UBTD2: variants seen among roughly 807,000 people sequenced by gnomAD.
UBTD2 encodes the protein ubiquitin domain-containing protein 2.
Under a neutral mutation model 19.8 loss-of-function variants are expected in UBTD2, and 9 were observed. The ratio of observed to expected loss-of-function variants is 0.46; its 90% CI spans 0.27 to 0.79. The LOEUF (loss-of-function observed/expected upper bound fraction) is 0.79. Ranked by LOEUF, UBTD2 falls within the 30% of genes least tolerant of loss-of-function variation. The pLI, the probability that UBTD2 is intolerant of heterozygous loss-of-function variation, is 0.14. For missense variants in UBTD2, 250 were observed against 300.4 expected (o/e 0.83, Z 1.24); for synonymous variants, 98 against 103.9 (o/e 0.94, Z 0.35).
intron 1 of UBTD2, among the ~76,000 whole-genome samples, chr5:172,281,053 T>C (rs576936265): frequency 6.6e-6 from 1 of 152,326 alleles, no homozygotes; most frequent in South Asian, 2.1e-4. Flanking sequence ...TGCACAACAC[T>C]GTGAATGTAA....
intron 2 of UBTD2, among the ~76,000 whole-genome samples, chr5:172,219,605 A>C (rs1771613294): frequency 2.6e-5 from 4 of 152,236 alleles, no homozygotes; most frequent in Non-Finnish European, 5.9e-5. Flanking sequence ...AGATATGCCA[A>C]AAGAAGCCAT....
intron 1 of UBTD2, among the ~76,000 whole-genome samples, chr5:172,248,520 G>A (rs1429783564): frequency 1.3e-5 from 2 of 151,748 alleles, no homozygotes; most frequent in South Asian, 2.1e-4. Context: ...CCCAGGAGGC[G>A]AAGGTTGCAG....
At chr5:172,230,497 GTATTATTATTACAT>G in intron 2 of UBTD2, among the ~76,000 whole-genome samples, 1 of 150,010 alleles carries the variant, frequency 6.7e-6, no homozygotes, top group Non-Finnish European at 1.5e-5. Context: ...CAACTTACAT[GTATTATTATTACAT>G]TTAATCAACA....
chr5:172,217,418 CAAAA>C (rs35018283), intron 2 of UBTD2, among the ~76,000 whole-genome samples: 65 of 114,858 alleles, frequency 5.7e-4, no homozygotes, highest in Admixed American at 1.0e-3. Context: ...GACTCTGTCT[CAAAA>C]AAAAAAAAAA....
At chr5:172,253,457 A>ATTTTTTTTTTTTTTT (rs11292185) in intron 1 of UBTD2, among the ~76,000 whole-genome samples, 1 of 145,882 alleles carries the variant, frequency 6.9e-6, no homozygotes. Flanking sequence ...AACCCTATCA[A>ATTTTTTTTTTTTTTT]TTTTTTTTTT....
intron 1 of UBTD2, among the ~76,000 whole-genome samples, chr5:172,259,378 T>C (rs1042330606): frequency 6.6e-6 from 1 of 151,902 alleles, no homozygotes; most frequent in Non-Finnish European, 1.5e-5. Flanking sequence ...CCTGACCTCA[T>C]GATCTGCCCG....
At chr5:172,268,445 A>G (rs1426416303) in intron 1 of UBTD2, among the ~76,000 whole-genome samples, 1 of 152,202 alleles carries the variant, frequency 6.6e-6, no homozygotes, top group African/African-American at 2.4e-5. Flanking sequence ...AAATGATACA[A>G]GGCCACATTC....
chr5:172,234,002 A>T, intron 2 of UBTD2, 120 bp downstream of exon 2: 2 of 1,001,476 alleles, frequency 2.0e-6, no homozygotes, highest in Non-Finnish European at 3.0e-6. Context: ...ATTCCTTGCT[A>T]CATTAAAAAA....
chr5:172,219,885 G>T (rs1235459842), intron 2 of UBTD2, among the ~76,000 whole-genome samples: 1 of 152,194 alleles, frequency 6.6e-6, no homozygotes, highest in East Asian at 1.9e-4. Context: ...CAGCATTTAG[G>T]TTCAGTACTA....
At chr5:172,243,564 T>G (rs1772175150) in intron 1 of UBTD2, among the ~76,000 whole-genome samples, 1 of 148,084 alleles carries the variant, frequency 6.8e-6, no homozygotes, top group South Asian at 2.2e-4. Context: ...CTTTTTTTTT[T>G]TTTTTTTTTT....
chr5:172,217,755 AT>A (rs1279123624), intron 2 of UBTD2, among the ~76,000 whole-genome samples: 1 of 152,172 alleles, frequency 6.6e-6, no homozygotes, highest in East Asian at 1.9e-4. Flanking sequence ...GCTTGCTGTG[AT>A]TACAGGTATG....
intron 1 of UBTD2, among the ~76,000 whole-genome samples, chr5:172,264,552 T>C (rs59082960): frequency 0.1 from 10,583 of 101,362 alleles, 428 homozygotes; most frequent in South Asian, 0.18. Flanking sequence ...AAAAAAAAAA[T>C]TAAAAAATTA....
chr5:172,223,982 G>A lies in UBTD2; in HGVS notation c.307+10140C>T, dbSNP rs115525120. Among the ~76,000 whole-genome samples the A allele has an allele frequency of 4.3e-3, 655 of 152,252 alleles. 8 individuals are homozygous for A. Among genetic ancestry groups the A allele is most frequent in the African/African-American group, 0.015 (608 of 41,556 alleles). On this transcript the variant is annotated intron_variant, in intron 2 of 2. Transcript: ENST00000393792. ...CAACATATTTGCTGATGATGCCTAC[G>A]ACAGCTTAAAGAAGGAAATGGAAGA...
intron 2 of UBTD2, among the ~76,000 whole-genome samples, chr5:172,223,670 A>G (rs1294731339): frequency 6.6e-6 from 1 of 150,418 alleles, no homozygotes; most frequent in Non-Finnish European, 1.5e-5. Flanking sequence ...CTTTACATAC[A>G]TTAACATTTA....
intron 1 of UBTD2, among the ~76,000 whole-genome samples, chr5:172,279,709 C>T (rs758572968): frequency 6.6e-6 from 1 of 152,088 alleles, no homozygotes. Context: ...GATTTTCTGC[C>T]CACATATTTA....
rs1771957797 is a variant in UBTD2, at chr5:172,233,953, C to T, written c.307+169G>A. Among the ~76,000 whole-genome samples the T allele has an allele frequency of 5.3e-5, 8 of 151,834 alleles. No individual in the cohort carries two copies. In the South Asian group the frequency reaches 1.7e-3, roughly 32 times the overall value. On this transcript the variant is annotated intron_variant, in intron 2 of 2. Transcript: ENST00000393792. ...CACAAACACACAAAGTAAAACCTGT[C>T]TCCAGCTGAAAGATGTACAAGAAAA... is the stretch of plus-strand genomic sequence containing the variant.
In UBTD2 at chr5:172,234,200, C is replaced by T; in HGVS notation, c.229G>A (p.Ala77Thr). 1.2e-6 allele frequency: 2 copies of T among 1,614,166 alleles called. No individual in the cohort carries two copies. The highest frequency in any genetic ancestry group is 1.7e-6 in the Non-Finnish European group (2 of 1,180,038). ...RKEIWDALKAAAHAFESNDHE... is the reference protein window; with the variant it reads ...RKEIWDALKATAHAFESNDHE... ...TCATTGCTCTCAAAAGCATGTGCAG[C>T]AGCCTTCAAGGCATCCCAAATCTCT... The change falls in exon 2 of 3, where the codon GCT becomes ACT. Residue 77 changes from alanine to threonine, a missense_variant. Transcript: ENST00000393792.
chr5:172,264,461 A>T (rs1390457333), intron 1 of UBTD2, among the ~76,000 whole-genome samples: 1 of 151,886 alleles, frequency 6.6e-6, no homozygotes, highest in Admixed American at 6.6e-5. Context: ...GAATCACTTG[A>T]ACCCAGGAAG....
chr5:172,212,049 T>C lies in UBTD2; in HGVS notation c.486A>G (p.Lys162=), dbSNP rs1401137368. ...CQLRLRLSTG[K]DLKLVVRSTD... ...TGCTGCGAACCACAAGCTTGAGGTCTTTGCCTGTGGAAAGGCGCAAACGAA... is the reference window on the plus strand; with the variant it reads ...TGCTGCGAACCACAAGCTTGAGGTCCTTGCCTGTGGAAAGGCGCAAACGAA... Residue 162 remains lysine, a synonymous_variant, in exon 3 of 3, where the codon AAA becomes AAG. Coordinates refer to ENST00000393792, the MANE Select transcript of UBTD2 (RefSeq NM_152277.3). 6.2e-7 allele frequency: 1 copy of C among 1,614,124 alleles called. No individual in the cohort carries two copies. The highest frequency in any genetic ancestry group is 1.7e-5 in the Admixed American group (1 of 60,008).
Sources: allele counts gnomAD v4.1 joint callset (sites outside exome capture counted in the v4.1 genomes callset), GRCh38; gene constraint gnomAD v4.1.1; transcripts MANE v1.5; gene names NCBI Gene and HGNC (gene_info 2026-07-23, HGNC 2026-07-21).